Variants in ADARB2 observed in about 807,000 individuals in gnomAD.
ADARB2 encodes the protein adenosine deaminase RNA specific B2 (inactive).
In ADARB2, 25 loss-of-function variants were observed where a neutral mutation model predicts 62.2. That is an observed-to-expected ratio of 0.40 (90% CI 0.29 to 0.56). The LOEUF (loss-of-function observed/expected upper bound fraction) is 0.56, where lower values mean the gene tolerates loss of function less well. Ranked by LOEUF, ADARB2 falls within the 20% of genes least tolerant of loss-of-function variation. The probability of loss-of-function intolerance (pLI) is 0.43; values close to 1 mark genes in which losing one functional copy is unlikely to be tolerated. For missense variants in ADARB2, 1,071 were observed against 1,077.4 expected (o/e 0.99, Z 0.08); for synonymous variants, 572 against 500.8 (o/e 1.14, Z -1.90).
At chr10:1,295,697 GA>G (rs1430444750) in intron 3 of ADARB2, among the ~76,000 whole-genome samples, 2 of 152,256 alleles carry the variant, frequency 1.3e-5, no homozygotes, top group African/African-American at 4.8e-5. Context: ...GTCTCATTAA[GA>G]ATTTTTGCTT....
At chr10:1,508,107 G>A (rs1053315962) in intron 1 of ADARB2, among the ~76,000 whole-genome samples, 4 of 152,190 alleles carry the variant, frequency 2.6e-5, no homozygotes, top group Admixed American at 6.5e-5. Context: ...GAGGTCGCGT[G>A]TGAACGTGAA....
At chr10:1,483,542 A>G (rs1831502704) in intron 1 of ADARB2, among the ~76,000 whole-genome samples, 1 of 152,154 alleles carries the variant, frequency 6.6e-6, no homozygotes, top group Admixed American at 6.5e-5. Flanking sequence ...TTTCCTTGAG[A>G]AGAAACACAG....
chr10:1,434,716 C>A (rs912612473), intron 1 of ADARB2, among the ~76,000 whole-genome samples: 1 of 152,184 alleles, frequency 6.6e-6, no homozygotes, highest in African/African-American at 2.4e-5. Flanking sequence ...GACGTAAACT[C>A]ACTGAGGCTC....
At chr10:1,621,686 A>G (rs574383513) in intron 1 of ADARB2, among the ~76,000 whole-genome samples, 1 of 152,348 alleles carries the variant, frequency 6.6e-6, no homozygotes, top group African/African-American at 2.4e-5. Context: ...AAAACTACAA[A>G]ACATTACTGA....
chr10:1,559,453 G>A (rs1384223054), intron 1 of ADARB2, among the ~76,000 whole-genome samples: 1 of 152,190 alleles, frequency 6.6e-6, no homozygotes, highest in East Asian at 1.9e-4. Flanking sequence ...CTGGGTGGAC[G>A]CCTGTGCCCC....
chr10:1,428,129 C>T (rs965106146), intron 1 of ADARB2, among the ~76,000 whole-genome samples: 5 of 151,762 alleles, frequency 3.3e-5, no homozygotes, highest in South Asian at 4.2e-4. Context: ...CACCACCACA[C>T]CCGACTAATT....
Position 1,318,235 on chromosome 10 carries a change from C to A in ADARB2, c.1077+44793G>T, listed in dbSNP as rs146975569. ...CCACCCACAGAGAAGCGTGTAGTCA[C>A]AGGTGACGGATCCTGTAACAGGAAC... On this transcript the variant is annotated intron_variant, in intron 3 of 9. Transcript: ENST00000381312. 5.5e-3 allele frequency among the ~76,000 whole-genome samples: 834 copies of A among 152,192 alleles called. 32 individuals are homozygous for A. The highest frequency in any genetic ancestry group is 0.047 in the Admixed American group (720 of 15,298).
chr10:1,242,942 T>G (rs1468675513), intron 4 of ADARB2, among the ~76,000 whole-genome samples: 1 of 152,090 alleles, frequency 6.6e-6, no homozygotes, highest in African/African-American at 2.4e-5. Flanking sequence ...GTCCTTAAAG[T>G]ATAATATTCA....
At chr10:1,305,680 A>G (rs571614511) in intron 3 of ADARB2, among the ~76,000 whole-genome samples, 1 of 152,064 alleles carries the variant, frequency 6.6e-6, no homozygotes, top group South Asian at 2.1e-4. Context: ...CGAATCCAGC[A>G]GCACATCAAA....
intron 1 of ADARB2, among the ~76,000 whole-genome samples, chr10:1,546,599 T>C (rs1588296803): frequency 1.3e-5 from 2 of 152,352 alleles, no homozygotes; most frequent in East Asian, 3.9e-4. Context: ...CTGGGTCTCA[T>C]CTGAGACAAG....
At position 1,315,287 on chromosome 10, in the gene ADARB2, C is replaced by T. The variant is rs1015101839; in HGVS notation, c.1078-44218G>A. ...GTGAGGGTCTGCAGGGGCTCCTGGG[C>T]CTCTGCATCAGCCCCAGCCAGCGCA... is the stretch of plus-strand genomic sequence containing the variant. On this transcript the variant is annotated intron_variant, in intron 3 of 9. Coordinates refer to ENST00000381312, the MANE Select transcript of ADARB2 (RefSeq NM_018702.4). 3.3e-5 allele frequency among the ~76,000 whole-genome samples: 5 copies of T among 152,306 alleles called. 1 individual carries two copies. Among genetic ancestry groups the T allele is most frequent in the South Asian group, 4.1e-4 (2 of 4,824 alleles).
At chr10:1,728,701 G>T (rs1457775227) in intron 1 of ADARB2, among the ~76,000 whole-genome samples, 1 of 152,160 alleles carries the variant, frequency 6.6e-6, no homozygotes, top group African/African-American at 2.4e-5. Flanking sequence ...TAAAAACAAA[G>T]AACCTTAACT....
chr10:1,455,196 A>G (rs1465109473), intron 1 of ADARB2, among the ~76,000 whole-genome samples: 2 of 152,232 alleles, frequency 1.3e-5, no homozygotes, highest in African/African-American at 4.8e-5. Flanking sequence ...TGCAGGTGAG[A>G]GGAGGAACTT....
chr10:1,284,590 A>G (rs1831396974), intron 3 of ADARB2, among the ~76,000 whole-genome samples: 1 of 152,186 alleles, frequency 6.6e-6, no homozygotes, highest in African/African-American at 2.4e-5. Context: ...GAACCGTCCC[A>G]TTTTATAACT....
chr10:1,669,937 C>CACACACAGACACATGCAG (rs1296531526), intron 1 of ADARB2, among the ~76,000 whole-genome samples: 2 of 151,970 alleles, frequency 1.3e-5, no homozygotes, highest in East Asian at 1.9e-4. Context: ...CAGACACAAA[C>CACACACAGACACATGCAG]ACACACAGAC....
At chr10:1,733,392 C>T (rs559681656) in intron 1 of ADARB2, among the ~76,000 whole-genome samples, 30 of 146,106 alleles carry the variant, frequency 2.1e-4, no homozygotes, top group African/African-American at 7.3e-4. Context: ...GCCTTTCATG[C>T]CAATGCATAG....
chr10:1,517,215 C>G (rs74121033), intron 1 of ADARB2, among the ~76,000 whole-genome samples: 2 of 151,968 alleles, frequency 1.3e-5, no homozygotes, highest in African/African-American at 4.8e-5. Context: ...AGGGCACTAC[C>G]GTATGTGCTT....
At chr10:1,419,876 C>A (rs1305449261) in intron 1 of ADARB2, among the ~76,000 whole-genome samples, 1 of 152,192 alleles carries the variant, frequency 6.6e-6, no homozygotes, top group Admixed American at 6.5e-5. Context: ...AAAGATGAAT[C>A]AAAGTGATTC....
intron 1 of ADARB2, among the ~76,000 whole-genome samples, chr10:1,516,304 G>A (rs1344661704): frequency 3.3e-5 from 5 of 152,214 alleles, no homozygotes; most frequent in African/African-American, 9.7e-5. Flanking sequence ...GCCGGCAGGT[G>A]AGCTCTGACA....
Sources: gnomAD v4.1 joint callset for allele counts (sites outside exome capture counted in the v4.1 genomes callset) on GRCh38, gnomAD v4.1.1 for gene constraint, MANE v1.5 for transcripts, NCBI Gene and HGNC (gene_info 2026-07-23, HGNC 2026-07-21) for gene names.